CD86: variants seen among roughly 807,000 people sequenced by gnomAD.
The protein encoded by CD86 is T-lymphocyte activation antigen CD86.
CD86 carries 11 observed loss-of-function variants against 32.1 expected under a neutral mutation model. The ratio of observed to expected loss-of-function variants is 0.34; its 90% CI spans 0.22 to 0.57. The LOEUF (loss-of-function observed/expected upper bound fraction) is 0.57. CD86 is among the 20% of genes least tolerant of loss of function. CD86 has a pLI of 0.86. For synonymous variants in CD86, 137 were observed against 135.3 expected, an observed-to-expected ratio of 1.01 and a Z score of -0.09; for missense variants, 359 against 398.4, an observed-to-expected ratio of 0.90 and a Z score of 0.84.
At chr3:122,110,707 G>A (rs905266396) in intron 5 of CD86, among the ~76,000 whole-genome samples, 1 of 152,186 alleles carries the variant, frequency 6.6e-6, no homozygotes, top group African/African-American at 2.4e-5. Context: ...AGATTTCTAT[G>A]ATATAAAAGT....
chr3:122,086,740 T>A, intron 1 of CD86: 1 of 397,850 alleles, frequency 2.5e-6, no homozygotes, highest in South Asian at 1.9e-5. Flanking sequence ...GGGCCCCTTC[T>A]TCTCCCACCC....
At chr3:122,064,371 AATTACATTGCTC>A (rs2072383890) in intron 1 of CD86, among the ~76,000 whole-genome samples, 1 of 152,200 alleles carries the variant, frequency 6.6e-6, no homozygotes, top group Admixed American at 6.6e-5. Context: ...TCTTCAGTAC[AATTACATTGCTC>A]TGCTGAGCAG....
At chr3:122,117,528 A>G (rs1283310136) in intron 5 of CD86, among the ~76,000 whole-genome samples, 1 of 152,250 alleles carries the variant, frequency 6.6e-6, no homozygotes, top group Non-Finnish European at 1.5e-5. Flanking sequence ...TTGTGTCAGT[A>G]GCAAGTCCCT....
At chr3:122,104,137 C>A (rs2073054798) in intron 3 of CD86, among the ~76,000 whole-genome samples, 1 of 152,118 alleles carries the variant, frequency 6.6e-6, no homozygotes, top group Non-Finnish European at 1.5e-5. Flanking sequence ...TGGCTAATTA[C>A]CTATAGTAAA....
chr3:122,083,028 T>C (rs1023543360), intron 1 of CD86, among the ~76,000 whole-genome samples: 7 of 152,208 alleles, frequency 4.6e-5, no homozygotes, highest in Non-Finnish European at 1.0e-4. Flanking sequence ...TCTATCACCA[T>C]ATCCTGTTAA....
intron 1 of CD86, among the ~76,000 whole-genome samples, chr3:122,091,067 T>A (rs912264351): frequency 6.6e-6 from 1 of 152,228 alleles, no homozygotes; most frequent in African/African-American, 2.4e-5. Context: ...ATTGCCCCCA[T>A]CATGCCTGTT....
At chr3:122,093,967 A>G (rs1040931068) in intron 2 of CD86, among the ~76,000 whole-genome samples, 4 of 152,212 alleles carry the variant, frequency 2.6e-5, no homozygotes, top group Admixed American at 2.6e-4. Flanking sequence ...ACCATGAATA[A>G]GTGGTAAGAC....
At chr3:122,111,740 G>A (rs1576786869) in intron 5 of CD86, among the ~76,000 whole-genome samples, 1 of 152,278 alleles carries the variant, frequency 6.6e-6, no homozygotes, top group Non-Finnish European at 1.5e-5. Context: ...GACCAATGTG[G>A]AAACAGCAGA....
At chr3:122,064,873 A>T (rs554601763) in intron 1 of CD86, among the ~76,000 whole-genome samples, 4 of 152,280 alleles carry the variant, frequency 2.6e-5, no homozygotes, top group African/African-American at 7.2e-5. Flanking sequence ...AAACTATTTG[A>T]CTATTAATTT....
chr3:122,114,416 G>A (rs942319468), intron 5 of CD86, among the ~76,000 whole-genome samples: 1 of 152,096 alleles, frequency 6.6e-6, no homozygotes, highest in Non-Finnish European at 1.5e-5. Context: ...TGTTTTCAGA[G>A]ATCGGATGAC....
intron 1 of CD86, among the ~76,000 whole-genome samples, chr3:122,090,247 T>C (rs2072792846): frequency 1.3e-5 from 2 of 152,334 alleles, no homozygotes; most frequent in Admixed American, 6.5e-5. Context: ...CAGACACTTC[T>C]AGCCCAATGT....
chr3:122,105,630 A>G (rs1372188492), intron 3 of CD86, among the ~76,000 whole-genome samples: 1 of 152,192 alleles, frequency 6.6e-6, no homozygotes, highest in Non-Finnish European at 1.5e-5. Context: ...TTCTTAGAGT[A>G]TGTTATGAAG....
intron 5 of CD86, among the ~76,000 whole-genome samples, chr3:122,117,526 G>A (rs980212984): frequency 2.1e-4 from 32 of 152,354 alleles, no homozygotes; most frequent in African/African-American, 7.5e-4. Flanking sequence ...AGTTGTGTCA[G>A]TAGCAAGTCC....
At chr3:122,086,811 C>T (rs1176732326) in intron 1 of CD86, among the ~76,000 whole-genome samples, 1 of 152,194 alleles carries the variant, frequency 6.6e-6, no homozygotes, top group African/African-American at 2.4e-5. Flanking sequence ...TGGCCCTAGG[C>T]TGTGCTGCTC....
intron 1 of CD86, among the ~76,000 whole-genome samples, chr3:122,081,459 C>T (rs1037437234): frequency 1.1e-4 from 16 of 152,082 alleles, no homozygotes; most frequent in Admixed American, 5.9e-4. Context: ...TCTTTGAGAC[C>T]CATTAAACAG....
chr3:122,103,768 G>A lies in CD86; in HGVS notation c.321G>A (p.Leu107=). 6.2e-7 allele frequency: 1 copy of A among 1,614,042 alleles called. No homozygotes were observed. Among genetic ancestry groups the A allele is most frequent in the Non-Finnish European group, 8.5e-7 (1 of 1,179,918 alleles). Residue 107 remains leucine, a synonymous_variant, in exon 3 of 7, where the codon TTG becomes TTA. Coordinates refer to ENST00000330540, the MANE Select transcript of CD86 (RefSeq NM_175862.5). ...LHNLQIKDKG[L]YQCIIHHKKP... ...ATCTTCAGATCAAGGACAAGGGCTTGTATCAATGTATCATCCATCACAAAA... is the reference window on the plus strand; with the variant it reads ...ATCTTCAGATCAAGGACAAGGGCTTATATCAATGTATCATCCATCACAAAA...
In CD86 at chr3:122,078,067, C is replaced by T. The variant is rs1016689086; in HGVS notation, c.15-13534C>T. 145 of 985,356 alleles carry T rather than the reference C, an allele frequency of 1.5e-4. No homozygotes were observed. The African/African-American group carries it at 2.1e-3, about 14-fold the overall frequency. The allele number at this position is 985,356 out of a possible 1,614,324, so 61.0% of individuals were successfully genotyped here. ...ACAGGTATGTTTGTGGAGGCTCAGA[C>T]GCCTAGGGAGTGGCATGAGATAAAG... On this transcript the variant is annotated intron_variant, in intron 1 of 6. Coordinates refer to ENST00000330540, the MANE Select transcript of CD86 (RefSeq NM_175862.5).
At chr3:122,066,174 C>A (rs1169600862) in intron 1 of CD86, among the ~76,000 whole-genome samples, 1 of 152,028 alleles carries the variant, frequency 6.6e-6, no homozygotes, top group African/African-American at 2.4e-5. Context: ...GTTTTGGGGG[C>A]CTTAAGAAAA....
intron 1 of CD86, among the ~76,000 whole-genome samples, chr3:122,074,608 C>T (rs2072532425): frequency 6.6e-6 from 1 of 152,154 alleles, no homozygotes; most frequent in Non-Finnish European, 1.5e-5. Context: ...TTGGAAAACT[C>T]AGCTAAATGT....
Sources: allele counts gnomAD v4.1 joint callset (sites outside exome capture counted in the v4.1 genomes callset), GRCh38; gene constraint gnomAD v4.1.1; transcripts MANE v1.5; gene names NCBI Gene and HGNC (gene_info 2026-07-23, HGNC 2026-07-21).